ITPR2: variants seen among roughly 807,000 people sequenced by gnomAD.
The protein encoded by ITPR2 is inositol 1,4,5-trisphosphate-gated calcium channel ITPR2.
A neutral mutation model predicts 317.1 loss-of-function variants in ITPR2; 207 were observed. The observed-to-expected ratio is 0.65, with a 90% CI of 0.58 to 0.73. The LOEUF (loss-of-function observed/expected upper bound fraction) is 0.73, where lower values mean the gene tolerates loss of function less well. Ranked by LOEUF, ITPR2 falls within the 30% of genes least tolerant of loss-of-function variation. The pLI, the probability that ITPR2 is intolerant of heterozygous loss-of-function variation, is 0.00. For synonymous variants in ITPR2, 1,156 were observed against 1,149.1 expected (o/e 1.01, Z -0.12); for missense variants, 2,613 against 3,284.0 (o/e 0.80, Z 4.99).
At chr12:26,700,405 T>C (rs535221838) in intron 9 of ITPR2, among the ~76,000 whole-genome samples, 1 of 152,370 alleles carries the variant, frequency 6.6e-6, no homozygotes, top group East Asian at 1.9e-4. Context: ...CTTTTTTATA[T>C]GCTTTTACAG....
chr12:26,463,931 G>A (rs1041321236), intron 45 of ITPR2, among the ~76,000 whole-genome samples: 2 of 151,954 alleles, frequency 1.3e-5, no homozygotes, highest in African/African-American at 4.8e-5. Context: ...GCTAAATATT[G>A]CCCCCATCTC....
chr12:26,674,264 C>G (rs1176236939), intron 13 of ITPR2, among the ~76,000 whole-genome samples: 1 of 151,938 alleles, frequency 6.6e-6, no homozygotes, highest in Admixed American at 6.6e-5. Flanking sequence ...AAGAACAAAG[C>G]TGGAGGCATC....
At chr12:26,711,758 TA>T (rs1413349957) in intron 8 of ITPR2, among the ~76,000 whole-genome samples, 1 of 152,152 alleles carries the variant, frequency 6.6e-6, no homozygotes, top group East Asian at 1.9e-4. Context: ...CATGATTGAG[TA>T]ACTAGGGAAG....
chr12:26,760,047 G>A (rs1053431238), intron 2 of ITPR2, among the ~76,000 whole-genome samples: 1 of 152,158 alleles, frequency 6.6e-6, no homozygotes, highest in African/African-American at 2.4e-5. Flanking sequence ...TATAGCCTAT[G>A]CACATTCTTC....
intron 52 of ITPR2, among the ~76,000 whole-genome samples, chr12:26,402,117 G>A (rs994004689): frequency 6.6e-6 from 1 of 152,182 alleles, no homozygotes; most frequent in Non-Finnish European, 1.5e-5. Flanking sequence ...CAAGGGTGGG[G>A]GAAGCTCAGT....
At chr12:26,388,731 C>A (rs1185543502) in intron 54 of ITPR2, among the ~76,000 whole-genome samples, 12 of 152,052 alleles carry the variant, frequency 7.9e-5, no homozygotes, top group Non-Finnish European at 1.8e-4. Flanking sequence ...AAAAATCTGT[C>A]CCCATTGAAG....
In ITPR2 at chr12:26,375,045, C is replaced by T. The variant is rs183411471; in HGVS notation, c.7857+12389G>A. 1.2e-4 allele frequency among the ~76,000 whole-genome samples: 19 copies of T among 152,302 alleles called. No individual in the cohort carries two copies. In the East Asian group the frequency reaches 3.3e-3, roughly 26 times the overall value. On this transcript the variant is annotated intron_variant, in intron 55 of 56. Transcript: ENST00000381340. ...CTATTAAAAACCATTAGACAGAATT[C>T]GTGTGGCTTTACAGTATATAGTTCT...
intron 55 of ITPR2, among the ~76,000 whole-genome samples, chr12:26,355,204 A>G (rs1938597753): frequency 6.6e-6 from 1 of 152,250 alleles, no homozygotes; most frequent in Admixed American, 6.5e-5. Context: ...TGGATGAACT[A>G]TAAAGAAAAT....
intron 46 of ITPR2, among the ~76,000 whole-genome samples, chr12:26,440,735 C>G (rs1199580061): frequency 6.6e-6 from 1 of 151,870 alleles, no homozygotes; most frequent in East Asian, 1.9e-4. Context: ...AAAAGGTTTA[C>G]TTGATTCAAT....
intron 35 of ITPR2, among the ~76,000 whole-genome samples, chr12:26,556,939 C>A (rs1944680017): frequency 6.6e-6 from 1 of 151,926 alleles, no homozygotes; most frequent in Non-Finnish European, 1.5e-5. Context: ...ATCAGCCAGG[C>A]ATGGTGGCAT....
intron 2 of ITPR2, among the ~76,000 whole-genome samples, chr12:26,731,170 A>C (rs1156698955): frequency 6.6e-6 from 1 of 152,184 alleles, no homozygotes; most frequent in Non-Finnish European, 1.5e-5. Flanking sequence ...AAGATGTCTT[A>C]AGATTTAAAT....
chr12:26,409,707 T>C (rs1014692956), intron 52 of ITPR2, among the ~76,000 whole-genome samples: 3 of 152,096 alleles, frequency 2.0e-5, no homozygotes, highest in African/African-American at 7.2e-5. Flanking sequence ...CAAGGGTGTA[T>C]CAAACTTGAG....
At chr12:26,493,684 T>C (rs1157941755) in intron 39 of ITPR2, among the ~76,000 whole-genome samples, 1 of 152,152 alleles carries the variant, frequency 6.6e-6, no homozygotes, top group Non-Finnish European at 1.5e-5. Flanking sequence ...CCTATAAATA[T>C]GTACAATTAT....
At chr12:26,574,362 G>A (rs1334494874) in intron 34 of ITPR2, among the ~76,000 whole-genome samples, 1 of 152,054 alleles carries the variant, frequency 6.6e-6, no homozygotes, top group African/African-American at 2.4e-5. Context: ...GACGACTGAG[G>A]GTTCACTTCT....
chr12:26,828,950 TA>T (rs1264498782), intron 1 of ITPR2, among the ~76,000 whole-genome samples: 1 of 152,196 alleles, frequency 6.6e-6, no homozygotes, highest in Non-Finnish European at 1.5e-5. Flanking sequence ...ATGGAAGACC[TA>T]TGGTCAGGAA....
At position 26,605,098 on chromosome 12, in the gene ITPR2, A is replaced by AAAAAT. The variant is rs1555165357; in HGVS notation, c.3463-2393_3463-2392insATTTT. Among the ~76,000 whole-genome samples, 64 of 107,130 alleles carry AAAAAT rather than the reference A, an allele frequency of 6.0e-4. 2 individuals carry two copies. Among genetic ancestry groups the AAAAAT allele is most frequent in the Non-Finnish European group, 1.1e-3 (51 of 47,222 alleles). The allele number at this position is 107,130 out of a possible 152,430, so 70.3% of individuals were successfully genotyped here. On this transcript the variant is annotated intron_variant, in intron 26 of 56. Coordinates refer to ENST00000381340, the MANE Select transcript of ITPR2 (RefSeq NM_002223.4). Reference sequence around the variant, plus strand: ...GCATGACTCAGTCTCAAAAAAAAAAAAAATAAAAATAAAAAATAAAAAATA... The same window carrying AAAAAT: ...GCATGACTCAGTCTCAAAAAAAAAAAAAAATAAATAAAAATAAAAAATAAAAAATA...
In ITPR2 at chr12:26,466,667, C is replaced by T. The variant is rs149557677; in HGVS notation, c.6342+8629G>A. On this transcript the variant is annotated intron_variant, in intron 45 of 56. Transcript: ENST00000381340. ...GAGTTCATAAGTCTCTGAAAGTTTA[C>T]TTTGCAAATGCAGCTCACTGACAGC... is the stretch of plus-strand genomic sequence containing the variant. Among the ~76,000 whole-genome samples the T allele has an allele frequency of 8.9e-4, 136 of 152,316 alleles. 2 individuals carry two copies. Among genetic ancestry groups the T allele is most frequent in the African/African-American group, 2.9e-3 (120 of 41,572 alleles).
chr12:26,600,227 C>T (rs1448921010), intron 28 of ITPR2, 118 bp from the exon 29 acceptor site: 1 of 780,828 alleles, frequency 1.3e-6, no homozygotes, highest in Non-Finnish European at 2.0e-6. Flanking sequence ...GATCTCCTTT[C>T]TCTGTGTCCT....
At chr12:26,448,974 T>C (rs1286205413) in intron 45 of ITPR2, among the ~76,000 whole-genome samples, 2 of 152,204 alleles carry the variant, frequency 1.3e-5, no homozygotes, top group African/African-American at 4.8e-5. Context: ...GGGCTTTTCA[T>C]TTTTAGTGGC....
Sources: allele counts gnomAD v4.1 joint callset (sites outside exome capture counted in the v4.1 genomes callset), GRCh38; gene constraint gnomAD v4.1.1; transcripts MANE v1.5; gene names NCBI Gene and HGNC (gene_info 2026-07-23, HGNC 2026-07-21).